RORA: variants seen among roughly 807,000 people sequenced by gnomAD.
RORA encodes the protein nuclear receptor ROR-alpha.
Under a neutral mutation model 69.5 loss-of-function variants are expected in RORA, and 7 were observed. The ratio of observed to expected loss-of-function variants is 0.10; its 90% CI spans 0.06 to 0.19. The LOEUF (loss-of-function observed/expected upper bound fraction) is 0.19, where lower values mean the gene tolerates loss of function less well. Ranked by LOEUF, RORA falls within the 10% of genes least tolerant of loss-of-function variation. The pLI is 1.00. For synonymous variants in RORA, 261 were observed against 240.8 expected, an observed-to-expected ratio of 1.08 and a Z score of -0.78; for missense variants, 457 against 663.0, an observed-to-expected ratio of 0.69 and a Z score of 3.41.
intron 1 of RORA, among the ~76,000 whole-genome samples, chr15:61,154,268 G>C (rs2079423557): frequency 6.6e-6 from 1 of 152,130 alleles, no homozygotes; most frequent in African/African-American, 2.4e-5. Context: ...CAAAAGTAAA[G>C]GCCAAGATAG....
rs193163734 is a variant in RORA at position 60,786,176 on chromosome 15, G to C, written c.167-107490C>G. Among the ~76,000 whole-genome samples, 9 of 152,298 alleles carry C rather than the reference G, an allele frequency of 5.9e-5. No individual in the cohort carries two copies. In the East Asian group the frequency reaches 1.7e-3, roughly 29 times the overall value. ...ACGACATCACTACGGTTGAGAGTTG[G>C]GCTGTATCAGTGTACAGGAGTGCTC... On this transcript the variant is annotated intron_variant, in intron 1 of 10. Transcript: ENST00000335670.
intron 2 of RORA, among the ~76,000 whole-genome samples, chr15:60,649,730 T>A (rs577682823): frequency 1.6e-4 from 25 of 152,156 alleles, no homozygotes; most frequent in Non-Finnish European, 2.6e-4. Context: ...GGATTGAGCA[T>A]CCATGGAGCT....
chr15:60,908,640 C>T (rs1216564044), intron 1 of RORA, among the ~76,000 whole-genome samples: 1 of 152,122 alleles, frequency 6.6e-6, no homozygotes, highest in Non-Finnish European at 1.5e-5. Context: ...GAGATTCCAA[C>T]AATAATACTT....
At chr15:60,700,165 T>C (rs1473091442) in intron 1 of RORA, among the ~76,000 whole-genome samples, 3 of 152,182 alleles carry the variant, frequency 2.0e-5, no homozygotes, top group Non-Finnish European at 4.4e-5. Flanking sequence ...ATGTGCACAC[T>C]GGCCATCAAA....
intron 1 of RORA, among the ~76,000 whole-genome samples, chr15:60,680,562 A>G (rs1305406357): frequency 6.6e-6 from 1 of 152,140 alleles, no homozygotes; most frequent in African/African-American, 2.4e-5. Context: ...ATCTGTCTCC[A>G]GGAGGAAGCA....
chr15:61,111,856 G>C (rs1262715225), intron 1 of RORA, among the ~76,000 whole-genome samples: 2 of 152,160 alleles, frequency 1.3e-5, no homozygotes, highest in East Asian at 3.9e-4. Flanking sequence ...AGGACTATGA[G>C]TTTTAAATAT....
chr15:60,621,581 C>T (rs1301585932), intron 2 of RORA, among the ~76,000 whole-genome samples: 1 of 152,104 alleles, frequency 6.6e-6, no homozygotes, highest in Non-Finnish European at 1.5e-5. Context: ...CTATGATGTA[C>T]ATTTATCATC....
chr15:61,080,746 G>C (rs2078527121), intron 1 of RORA, among the ~76,000 whole-genome samples: 1 of 152,190 alleles, frequency 6.6e-6, no homozygotes, highest in Non-Finnish European at 1.5e-5. Flanking sequence ...ATTGTTGCTA[G>C]ATATGGGTGT....
intron 1 of RORA, among the ~76,000 whole-genome samples, chr15:60,857,169 T>C (rs148094428): frequency 6.2e-4 from 94 of 152,298 alleles, no homozygotes; most frequent in African/African-American, 2.0e-3. Context: ...ATTTTCATTA[T>C]GGTGGGACAA....
intron 1 of RORA, among the ~76,000 whole-genome samples, chr15:60,796,860 A>T (rs1030349509): frequency 6.6e-6 from 1 of 151,986 alleles, no homozygotes; most frequent in Non-Finnish European, 1.5e-5. Flanking sequence ...GCCACAAAAA[A>T]AAGAATAAAG....
chr15:61,011,792 C>T (rs1895095491), intron 1 of RORA, among the ~76,000 whole-genome samples: 4 of 152,174 alleles, frequency 2.6e-5, no homozygotes, highest in Admixed American at 1.3e-4. Context: ...TACCAAGTGC[C>T]CACTTAAGGA....
intron 1 of RORA, among the ~76,000 whole-genome samples, chr15:61,003,015 G>A (rs1408958634): frequency 6.6e-6 from 1 of 150,728 alleles, no homozygotes; most frequent in African/African-American, 2.4e-5. Flanking sequence ...GTGGTGGCGG[G>A]CGCCTGTAGT....
chr15:61,050,365 T>C (rs939908782), intron 1 of RORA, among the ~76,000 whole-genome samples: 1 of 152,228 alleles, frequency 6.6e-6, no homozygotes, highest in Non-Finnish European at 1.5e-5. Context: ...ACTCATGATA[T>C]CAATAATTCT....
At chr15:60,613,731 TG>T (rs2069154218) in intron 2 of RORA, among the ~76,000 whole-genome samples, 1 of 148,048 alleles carries the variant, frequency 6.8e-6, no homozygotes, top group Admixed American at 6.8e-5. Flanking sequence ...TGTGTGTGTG[TG>T]TGTGTGTGTT....
intron 1 of RORA, among the ~76,000 whole-genome samples, chr15:60,726,127 A>T (rs1292915218): frequency 1.3e-5 from 2 of 151,940 alleles, no homozygotes; most frequent in Non-Finnish European, 2.9e-5. Flanking sequence ...TATAGCTATT[A>T]GGTGATGAGG....
chr15:60,577,635 C>T (rs550405564), intron 2 of RORA, among the ~76,000 whole-genome samples: 1 of 120,182 alleles, frequency 8.3e-6, no homozygotes, highest in African/African-American at 3.4e-5. Context: ...CAGAGTGAGA[C>T]TCTGTTTCCA....
chr15:61,172,973 C>T lies in RORA; in HGVS notation c.166+56080G>A, dbSNP rs57363058. ...CTATTTCCTGAGTTTTGCTACCAAA[C>T]AAAATTACCTGTAGTCATATATAAT... On this transcript the variant is annotated intron_variant, in intron 1 of 10. Coordinates refer to ENST00000335670, the MANE Select transcript of RORA (RefSeq NM_134261.3). Among the ~76,000 whole-genome samples the T allele has an allele frequency of 8.0e-3, 1,216 of 152,316 alleles. 17 individuals are homozygous for T. Among genetic ancestry groups the T allele is most frequent in the African/African-American group, 0.028 (1,171 of 41,554 alleles).
rs554278456 is a variant in RORA, at chr15:61,030,938, T to C, written c.166+198115A>G. 2.6e-5 allele frequency among the ~76,000 whole-genome samples: 4 copies of C among 152,292 alleles called. No homozygotes were observed. In the South Asian group the frequency reaches 8.3e-4, roughly 32 times the overall value. ...GTTTATGTATATGTATATGTGTGTATAAAAAATATGCATATGCACACATAC... is the reference window on the plus strand; with the variant it reads ...GTTTATGTATATGTATATGTGTGTACAAAAAATATGCATATGCACACATAC... On this transcript the variant is annotated intron_variant, in intron 1 of 10. Transcript: ENST00000335670.
intron 1 of RORA, among the ~76,000 whole-genome samples, chr15:61,211,070 G>A (rs1712625594): frequency 6.6e-6 from 1 of 152,096 alleles, no homozygotes; most frequent in Non-Finnish European, 1.5e-5. Flanking sequence ...ACTTGGCCTG[G>A]GTTTAGAATG....
Sources: gnomAD v4.1 joint callset for allele counts (sites outside exome capture counted in the v4.1 genomes callset) on GRCh38, gnomAD v4.1.1 for gene constraint, MANE v1.5 for transcripts, NCBI Gene and HGNC (gene_info 2026-07-23, HGNC 2026-07-21) for gene names.